ZNF516: variants seen among roughly 807,000 people sequenced by gnomAD.
The protein encoded by ZNF516 is zinc finger protein 516.
Under a neutral mutation model 79.7 loss-of-function variants are expected in ZNF516, and 19 were observed. That is an observed-to-expected ratio of 0.24 (90% CI 0.17 to 0.35). The LOEUF (loss-of-function observed/expected upper bound fraction) is 0.35. Ranked by LOEUF, ZNF516 falls within the 10% of genes least tolerant of loss-of-function variation. The pLI is 1.00. For synonymous variants in ZNF516, 877 were observed against 739.5 expected, an observed-to-expected ratio of 1.19 and a Z score of -3.02; for missense variants, 1,678 against 1,679.5, an observed-to-expected ratio of 1.00 and a Z score of 0.02.
chr18:76,460,078 G>T lies in ZNF516; in HGVS notation c.-158+2950C>A, dbSNP rs143181982. On this transcript the variant is annotated intron_variant, in intron 2 of 6. Transcript: ENST00000443185. ...GCACTGCATTTCTGGACCAGGACTC[G>T]TTCTGTTGGAATGTGCCTACCAAAC... Among the ~76,000 whole-genome samples the T allele has an allele frequency of 3.5e-3, 540 of 152,326 alleles. 3 individuals are homozygous for T. The highest frequency in any genetic ancestry group is 0.031 in the Middle Eastern group (9 of 294).
intron 1 of ZNF516, among the ~76,000 whole-genome samples, chr18:76,488,878 A>G (rs1222680144): frequency 6.6e-6 from 1 of 152,220 alleles, no homozygotes; most frequent in Non-Finnish European, 1.5e-5. Context: ...GAAATCTAGT[A>G]ATAAGCGAAA....
chr18:76,403,075 T>A (rs931539515), intron 3 of ZNF516, among the ~76,000 whole-genome samples: 1 of 152,244 alleles, frequency 6.6e-6, no homozygotes, highest in African/African-American at 2.4e-5. Flanking sequence ...CGCCTGGCAC[T>A]ACTGTCATTT....
intron 3 of ZNF516, among the ~76,000 whole-genome samples, chr18:76,432,240 T>C (rs1031495746): frequency 1.2e-4 from 19 of 152,242 alleles, no homozygotes; most frequent in Non-Finnish European, 5.9e-5. Flanking sequence ...ACCAACACCG[T>C]GCAAAGCACC....
intron 1 of ZNF516, among the ~76,000 whole-genome samples, chr18:76,480,175 A>AG (rs1914423902): frequency 6.6e-6 from 1 of 151,644 alleles, no homozygotes; most frequent in East Asian, 1.9e-4. Context: ...AAAAAAAAAA[A>AG]AAAAAAAGAA....
intron 1 of ZNF516, among the ~76,000 whole-genome samples, chr18:76,487,243 G>A (rs530957024): frequency 3.3e-5 from 5 of 152,294 alleles, no homozygotes; most frequent in East Asian, 3.9e-4. Context: ...GATGGCTCTA[G>A]CTTTGGAAAG....
At position 76,360,647 on chromosome 18, in the gene ZNF516, ATATATAT is replaced by A. The variant is rs1342879075; in HGVS notation, c.*1844_*1850del. The A allele has an allele frequency of 2.6e-4, 16 of 61,796 alleles. No individual in the cohort carries two copies. Among genetic ancestry groups the A allele is most frequent in the African/African-American group, 8.3e-4 (13 of 15,624 alleles). The allele number at this position is 61,796 out of a possible 1,614,324, so 3.8% of individuals were successfully genotyped here. A position where few individuals can be genotyped will look rare whatever the true frequency, so the allele number is the denominator to read the frequency against. On this transcript the variant is annotated 3_prime_UTR_variant, in exon 7 of 7. Transcript: ENST00000443185. ...AAAAAATAAGTAAAAAAAAAAAAAA[ATATATAT>A]ATATATATATATATATATATATATA...
intron 3 of ZNF516, among the ~76,000 whole-genome samples, chr18:76,404,518 C>T (rs530432660): frequency 4.0e-5 from 6 of 151,622 alleles, no homozygotes; most frequent in Non-Finnish European, 8.8e-5. Flanking sequence ...CATGTGACTG[C>T]ACAAGTAATG....
intron 1 of ZNF516, chr18:76,490,713 T>C: frequency 1.1e-6 from 1 of 950,232 alleles, no homozygotes; most frequent in South Asian, 4.8e-5. Flanking sequence ...CATGGCAGGC[T>C]GACGGGGGCA....
At chr18:76,488,512 T>C (rs1333893768) in intron 1 of ZNF516, among the ~76,000 whole-genome samples, 1 of 127,484 alleles carries the variant, frequency 7.8e-6, no homozygotes, top group Non-Finnish European at 1.6e-5. Flanking sequence ...CCACAGCTTC[T>C]AGAACTTTTG....
At chr18:76,380,426 G>A in intron 3 of ZNF516, 123 bp from the exon 4 acceptor site, 2 of 1,283,196 alleles carry the variant, frequency 1.6e-6, no homozygotes, top group East Asian at 2.5e-5. Context: ...AGCCACCCTT[G>A]AGTCTGGGTG....
rs1331659879 is a variant in ZNF516 at position 76,380,112 on chromosome 18, T to C, written c.2002A>G (p.Arg668Gly). 3 of 1,613,968 alleles carry C rather than the reference T, an allele frequency of 1.9e-6. No homozygotes were observed. Among genetic ancestry groups the C allele is most frequent in the Non-Finnish European group, 2.5e-6 (3 of 1,179,878 alleles). ...RETSRRQEQH[R>G]FSMDLKMPAF... ...GGCATCTTTAAGTCCATAGAAAATC[T>C]GTGCTGCTCTTGCCTTCTAGAAGTC... The change falls in exon 4 of 7, where the codon AGA (arginine) becomes GGA (glycine). Residue 668 changes from arginine to glycine, a missense_variant. Physicochemically the swap from Arg to Gly is moderately radical, Grantham distance 125. This residue lies in a region of ZNF516 where 1,294 missense variants were observed against 1,248.3 expected (regional missense o/e 1.04). Transcript: ENST00000443185.
chr18:76,420,742 T>C (rs1404900395), intron 3 of ZNF516, among the ~76,000 whole-genome samples: 1 of 151,908 alleles, frequency 6.6e-6, no homozygotes, highest in African/African-American at 2.4e-5. Flanking sequence ...ATTCTATATA[T>C]ATAAAAAAAA....
intron 1 of ZNF516, among the ~76,000 whole-genome samples, chr18:76,483,516 T>C (rs1254908764): frequency 6.6e-6 from 1 of 152,156 alleles, no homozygotes; most frequent in African/African-American, 2.4e-5. Context: ...TCACGGGTCA[T>C]CTGCCGCACC....
rs750798207 is a variant in ZNF516 at position 76,379,849 on chromosome 18, C to T, written c.2265G>A (p.Ala755=). ...SNKETASSLQ[A]ALVVHPCPYC... ...AAGGACACGGGTGAACGACTAAAGCCGCCTGCAGGGAGGAGGCCGTCTCCT... is the reference window on the plus strand; with the variant it reads ...AAGGACACGGGTGAACGACTAAAGCTGCCTGCAGGGAGGAGGCCGTCTCCT... The change falls in exon 4 of 7, where the codon GCG becomes GCA. Residue 755 remains alanine (A), a synonymous_variant. Coordinates refer to ENST00000443185, the MANE Select transcript of ZNF516 (RefSeq NM_014643.4). 55 of 1,613,744 alleles carry T rather than the reference C, an allele frequency of 3.4e-5. No homozygotes were observed. Among genetic ancestry groups the T allele is most frequent in the Non-Finnish European group, 4.7e-5 (55 of 1,179,854 alleles).
chr18:76,442,594 C>T lies in ZNF516; in HGVS notation c.461G>A (p.Arg154Gln), dbSNP rs980919647. The T allele has an allele frequency of 3.8e-6, 6 of 1,597,608 alleles. No individual in the cohort carries two copies. The African/African-American group carries it at 4.0e-5, about 11-fold the overall frequency. The change falls in exon 3 of 7, where the codon CGG (arginine) becomes CAG (glutamine). Residue 154 changes from arginine to glutamine, a missense_variant. Coordinates refer to ENST00000443185, the MANE Select transcript of ZNF516 (RefSeq NM_014643.4). ...CCCCTCTGCCCCCTTCTTGCTGCTC[C>T]GCAGCAGGACTCTGCCGCTGTCGGC... ...SQADSGRVLL[R>Q]SSKKGAEGSA...
At chr18:76,384,256 C>A (rs148840550) in intron 3 of ZNF516, among the ~76,000 whole-genome samples, 10 of 151,198 alleles carry the variant, frequency 6.6e-5, no homozygotes, top group African/African-American at 2.4e-4. Flanking sequence ...ACACCCGTGC[C>A]CCCTCCACGG....
intron 6 of ZNF516, among the ~76,000 whole-genome samples, chr18:76,366,436 T>C (rs1054593268): frequency 6.6e-6 from 1 of 152,202 alleles, no homozygotes; most frequent in East Asian, 1.9e-4. Flanking sequence ...TTTCTCAAAC[T>C]CACGGTTTTC....
intron 3 of ZNF516, among the ~76,000 whole-genome samples, chr18:76,432,422 A>C (rs891795045): frequency 6.6e-6 from 1 of 152,236 alleles, no homozygotes; most frequent in Non-Finnish European, 1.5e-5. Context: ...CTCTGCCTTC[A>C]ATGCCAGTGT....
intron 1 of ZNF516, among the ~76,000 whole-genome samples, chr18:76,480,841 G>C (rs1298177332): frequency 6.6e-6 from 1 of 152,114 alleles, no homozygotes; most frequent in South Asian, 2.1e-4. Context: ...ATTTTAAAAT[G>C]GTTGGGATTA....
Sources: gnomAD v4.1 joint callset for allele counts (sites outside exome capture counted in the v4.1 genomes callset) on GRCh38, gnomAD v4.1.1 for gene constraint, gnomAD v4.1.1 regional missense constraint, MANE v1.5 for transcripts, NCBI Gene and HGNC (gene_info 2026-07-23, HGNC 2026-07-21) for gene names.